The following ADCK1 variants were observed in gnomAD, a reference collection of about 807,000 sequenced individuals.
The protein encoded by ADCK1 is aarF domain containing kinase 1, also known as aarF domain-containing protein kinase 1.
Under a neutral mutation model 52.3 loss-of-function variants are expected in ADCK1, and 41 were observed. That is an observed-to-expected ratio of 0.78 (90% CI 0.61 to 1.02). The LOEUF (loss-of-function observed/expected upper bound fraction) is 1.02, where lower values mean the gene tolerates loss of function less well. Among genes scored for constraint, ADCK1 ranks in the 50% least tolerant of loss-of-function variants. The pLI, the probability that ADCK1 is intolerant of heterozygous loss-of-function variation, is 0.00. For missense variants in ADCK1, 658 were observed against 679.5 expected, an observed-to-expected ratio of 0.97 and a Z score of 0.35; for synonymous variants, 250 against 274.6, an observed-to-expected ratio of 0.91 and a Z score of 0.89.
chr14:77,815,750 C>T (rs958060921), intron 1 of ADCK1, among the ~76,000 whole-genome samples: 6 of 151,318 alleles, frequency 4.0e-5, no homozygotes, highest in Non-Finnish European at 7.4e-5. Context: ...AACTCGTGAC[C>T]TCGTGATCTG....
chr14:77,882,253 G>T (rs1445975422), intron 4 of ADCK1, among the ~76,000 whole-genome samples: 1 of 152,016 alleles, frequency 6.6e-6, no homozygotes, highest in African/African-American at 2.4e-5. Flanking sequence ...ACCCAGCCAG[G>T]TGTAGGGGGG....
chr14:77,862,371 G>A (rs1321872492), intron 4 of ADCK1, among the ~76,000 whole-genome samples: 1 of 152,150 alleles, frequency 6.6e-6, no homozygotes, highest in African/African-American at 2.4e-5. Context: ...ATGCAGTGCT[G>A]ACCTTGGCCA....
chr14:77,892,672 C>T (rs1566708548), intron 5 of ADCK1, among the ~76,000 whole-genome samples: 1 of 151,772 alleles, frequency 6.6e-6, no homozygotes, highest in Non-Finnish European at 1.5e-5. Flanking sequence ...TAGCAGAGTT[C>T]CCTTCATTTG....
chr14:77,873,388 A>G (rs986166691), intron 4 of ADCK1, among the ~76,000 whole-genome samples: 6 of 152,214 alleles, frequency 3.9e-5, no homozygotes, highest in Admixed American at 6.5e-5. Context: ...GCCCTGTTCA[A>G]GGGGAGCTCA....
chr14:77,874,821 T>C (rs2082863315), intron 4 of ADCK1, among the ~76,000 whole-genome samples: 1 of 152,134 alleles, frequency 6.6e-6, no homozygotes, highest in African/African-American at 2.4e-5. Flanking sequence ...TAATAACACC[T>C]GTGGTAAGTG....
intron 1 of ADCK1, among the ~76,000 whole-genome samples, chr14:77,810,158 G>A (rs1023075812): frequency 2.0e-5 from 3 of 151,670 alleles, no homozygotes; most frequent in Non-Finnish European, 4.4e-5. Flanking sequence ...TGTTGCCTAG[G>A]GTAAGTGCGA....
At chr14:77,852,571 G>T (rs1594938988) in intron 3 of ADCK1, among the ~76,000 whole-genome samples, 1 of 145,206 alleles carries the variant, frequency 6.9e-6, no homozygotes, top group African/African-American at 2.6e-5. Flanking sequence ...TGTGCTTGGG[G>T]CTTGTTGAGG....
intron 5 of ADCK1, among the ~76,000 whole-genome samples, chr14:77,894,953 A>G (rs2083378086): frequency 1.3e-5 from 2 of 151,994 alleles, no homozygotes. Context: ...GGGTTTCCCC[A>G]TGTTGGCCAG....
intron 5 of ADCK1, among the ~76,000 whole-genome samples, chr14:77,893,566 G>T (rs1019319476): frequency 6.6e-6 from 1 of 152,004 alleles, no homozygotes; most frequent in Non-Finnish European, 1.5e-5. Flanking sequence ...GGCTATGTTG[G>T]GGTGGGACTC....
In ADCK1 at chr14:77,915,517, C is replaced by T. The variant is rs546171267; in HGVS notation, c.858+7598C>T. On this transcript the variant is annotated intron_variant, in intron 7 of 10. Transcript: ENST00000238561. Reference sequence around the variant, plus strand: ...AAAGACTTGGAACCAAGCCAAATGTCCAACAATGATAGACTGGATTAAGAA... The same window carrying T: ...AAAGACTTGGAACCAAGCCAAATGTTCAACAATGATAGACTGGATTAAGAA... 2.4e-3 allele frequency among the ~76,000 whole-genome samples: 369 copies of T among 152,172 alleles called. 1 individual carries two copies. The highest frequency in any genetic ancestry group is 4.2e-3 in the Non-Finnish European group (287 of 68,022).
At chr14:77,801,930 G>C (rs2081118784) in intron 1 of ADCK1, among the ~76,000 whole-genome samples, 1 of 151,908 alleles carries the variant, frequency 6.6e-6, no homozygotes. Context: ...GACTGAGCAA[G>C]ACTCCGTCTA....
intron 4 of ADCK1, among the ~76,000 whole-genome samples, chr14:77,873,336 A>G (rs2082827019): frequency 6.6e-6 from 1 of 152,210 alleles, no homozygotes; most frequent in Admixed American, 6.5e-5. Flanking sequence ...AAACAAGCCC[A>G]TTTCCCAGGC....
chr14:77,887,624 T>C (rs11625833), intron 5 of ADCK1, among the ~76,000 whole-genome samples: 55,851 of 152,050 alleles, frequency 0.37, 11,345 homozygotes, highest in Admixed American at 0.5. Context: ...ATTTGTTAAA[T>C]TGTAACAAAA....
intron 3 of ADCK1, among the ~76,000 whole-genome samples, chr14:77,842,452 C>T (rs142248447): frequency 0.19 from 6,645 of 34,326 alleles, 314 homozygotes; most frequent in African/African-American, 0.26. Flanking sequence ...TTTTTTTTTC[C>T]TTCCTTCCTT....
At chr14:77,816,355 T>C (rs2081450108) in intron 1 of ADCK1, among the ~76,000 whole-genome samples, 1 of 152,184 alleles carries the variant, frequency 6.6e-6, no homozygotes, top group African/African-American at 2.4e-5. Flanking sequence ...GCCTTAGGAA[T>C]CAGAATCTCT....
intron 4 of ADCK1, among the ~76,000 whole-genome samples, chr14:77,884,015 T>C (rs951893849): frequency 6.6e-6 from 1 of 152,214 alleles, no homozygotes; most frequent in Non-Finnish European, 1.5e-5. Context: ...CTCACCTCCC[T>C]GTGGGGTGCT....
intron 9 of ADCK1, among the ~76,000 whole-genome samples, chr14:77,929,794 G>A (rs567105472): frequency 1.3e-5 from 2 of 152,160 alleles, no homozygotes; most frequent in African/African-American, 2.4e-5. Context: ...AGCCTCCTGA[G>A]TAGCTGGGAC....
chr14:77,881,487 GC>G (rs1366108536), intron 4 of ADCK1, among the ~76,000 whole-genome samples: 2 of 152,204 alleles, frequency 1.3e-5, no homozygotes, highest in Non-Finnish European at 2.9e-5. Context: ...GGGAATAGGT[GC>G]CCCCTCTCAA....
intron 4 of ADCK1, among the ~76,000 whole-genome samples, chr14:77,867,979 G>A (rs924335581): frequency 6.6e-6 from 1 of 152,196 alleles, no homozygotes; most frequent in Non-Finnish European, 1.5e-5. Context: ...GTTACGTGTC[G>A]AGTTGTTGCG....
Sources: allele counts gnomAD v4.1 joint callset (sites outside exome capture counted in the v4.1 genomes callset), GRCh38; gene constraint gnomAD v4.1.1; transcripts MANE v1.5; gene names NCBI Gene and HGNC (gene_info 2026-07-23, HGNC 2026-07-21).